ZSWIM9: variants seen among roughly 807,000 people sequenced by gnomAD.
ZSWIM9 encodes zinc finger SWIM-type containing 9.
A neutral mutation model predicts 25.0 loss-of-function variants in ZSWIM9; 11 were observed. The observed-to-expected ratio is 0.44, with a 90% confidence interval of 0.28 to 0.73. The LOEUF (loss-of-function observed/expected upper bound fraction) is 0.73. ZSWIM9 is among the 30% of genes least tolerant of loss of function. ZSWIM9 has a pLI of 0.16. For synonymous variants in ZSWIM9, 562 were observed against 582.1 expected (o/e 0.97, Z 0.50); for missense variants, 1,070 against 1,296.5 (o/e 0.83, Z 2.68).
intron 2 of ZSWIM9, chr19:48,174,959 A>C (rs902740098): frequency 6.6e-6 from 1 of 152,206 alleles, no homozygotes; most frequent in Non-Finnish European, 1.5e-5. Context: ...AACAAAAAAA[A>C]ATTATAGATA....
Position 48,195,231 on chromosome 19 carries a change from C to A in ZSWIM9, c.1167C>A (p.Val389=), listed in dbSNP as rs912216881. Residue 389 remains valine (V), a synonymous_variant, in exon 4 of 4, where the codon GTC becomes GTA. Coordinates refer to ENST00000614654, the MANE Select transcript of ZSWIM9 (RefSeq NM_199341.4). This position sits in a 1 kb window ranked among gnomAD's most constrained non-coding sequence, Gnocchi z 5.8. ...GGGAGCCCCGCCGCGACATGTGGGT[C>A]CGCTTCCGCGCCTTCGAGGCGGCCA... ...RNWEPRRDMW[V]RFRAFEAARD... is the part of the protein sequence containing the mutation. The A allele has an allele frequency of 2.0e-6, 3 of 1,528,820 alleles. No homozygotes were observed. Among genetic ancestry groups the A allele is most frequent in the Non-Finnish European group, 8.8e-7 (1 of 1,142,854 alleles). 94.7% of individuals were successfully genotyped at this position (1,528,820 alleles called of 1,614,324 possible). A position where few individuals can be genotyped will look rare whatever the true frequency, so the allele number is the denominator to read the frequency against.
At chr19:48,179,917 A>G (rs1211769632) in intron 2 of ZSWIM9, among the ~76,000 whole-genome samples, 2 of 152,222 alleles carry the variant, frequency 1.3e-5, no homozygotes, top group Non-Finnish European at 2.9e-5. Flanking sequence ...AGACATTGGC[A>G]GTGCTGTGTT....
chr19:48,176,609 G>A (rs892356597), intron 2 of ZSWIM9, among the ~76,000 whole-genome samples: 1 of 152,000 alleles, frequency 6.6e-6, no homozygotes, highest in African/African-American at 2.4e-5. Flanking sequence ...CCCTCAGTGT[G>A]AGGGTTGACC....
At chr19:48,178,800 T>C (rs535592117) in intron 2 of ZSWIM9, among the ~76,000 whole-genome samples, 32 of 152,200 alleles carry the variant, frequency 2.1e-4, no homozygotes, top group Middle Eastern at 3.4e-3. Context: ...GGTCTCGAAC[T>C]CTTGACCTCG....
intron 3 of ZSWIM9, among the ~76,000 whole-genome samples, chr19:48,183,409 G>A (rs2036976386): frequency 6.6e-6 from 1 of 152,104 alleles, no homozygotes; most frequent in Non-Finnish European, 1.5e-5. Context: ...TTACAGGCGA[G>A]AGCCACCACG....
intron 2 of ZSWIM9, among the ~76,000 whole-genome samples, chr19:48,179,611 A>T (rs1681996829): frequency 6.6e-6 from 1 of 152,222 alleles, no homozygotes; most frequent in Non-Finnish European, 1.5e-5. Flanking sequence ...AGAGTGTTGT[A>T]TCACACGTTG....
chr19:48,193,958 C>G (rs1415057777), intron 3 of ZSWIM9, among the ~76,000 whole-genome samples: 1 of 152,158 alleles, frequency 6.6e-6, no homozygotes, highest in Non-Finnish European at 1.5e-5. Context: ...TCACCACTGT[C>G]CTGCCTCTCA....
chr19:48,183,067 T>G, intron 3 of ZSWIM9: 1 of 403,238 alleles, frequency 2.5e-6, no homozygotes, highest in East Asian at 4.9e-5. Flanking sequence ...ACTGAGCACT[T>G]GAAATGTGTC....
At position 48,194,853 on chromosome 19, in the gene ZSWIM9, G is replaced by A; in HGVS notation, c.789G>A (p.Ala263=). ...CGCGCCAGGCTGCCTGCTGCGTGGC[G>A]CGCCCGGGCACACCGAGCCTGCTGC... ...GRARQAACCV[A]RPGTPSLLRF... is the part of the protein sequence containing the mutation. Residue 263 remains alanine (A), a synonymous_variant, in exon 4 of 4, where the codon GCG becomes GCA. Transcript: ENST00000614654. The surrounding 1 kb of genome is among the most constrained non-coding windows in gnomAD (Gnocchi z 6.0). 2 of 1,363,272 alleles carry A rather than the reference G, an allele frequency of 1.5e-6. No homozygotes were observed. The highest frequency in any genetic ancestry group is 1.9e-6 in the Non-Finnish European group (2 of 1,066,410). The allele number at this position is 1,363,272 out of a possible 1,614,324, so 84.4% of individuals were successfully genotyped here. A position where few individuals can be genotyped will look rare whatever the true frequency, so the allele number is the denominator to read the frequency against.
chr19:48,175,720 TC>T (rs2036885881), intron 2 of ZSWIM9, among the ~76,000 whole-genome samples: 1 of 152,040 alleles, frequency 6.6e-6, no homozygotes, highest in African/African-American at 2.4e-5. Context: ...TCCTGTCCAC[TC>T]CTTCCCCCTT....
rs757506419 is a variant in ZSWIM9, at chr19:48,182,728, C to T, written c.549C>T (p.His183=). Residue 183 remains histidine (H), a synonymous_variant, in exon 3 of 4, where the codon CAC becomes CAT. Coordinates refer to ENST00000614654, the MANE Select transcript of ZSWIM9 (RefSeq NM_199341.4). This position sits in a 1 kb window ranked among gnomAD's most constrained non-coding sequence, Gnocchi z 4.6. ...GRDHGVLDAL[H]VLEGLFRTDP... ...ACCACGGCGTCCTGGACGCCCTGCA[C>T]GTGCTCGAGGGCCTCTTCCGCACCG... 5.2e-6 allele frequency: 8 copies of T among 1,534,678 alleles called. No homozygotes were observed. The highest frequency in any genetic ancestry group is 2.7e-5 in the African/African-American group (2 of 73,144).
At chr19:48,170,799 C>G (rs1163971793) in intron 1 of ZSWIM9, 85 bp downstream of exon 1, 1 of 87,770 alleles carries the variant, frequency 1.1e-5, no homozygotes, top group Non-Finnish European at 2.2e-5. Flanking sequence ...GAAGGTGCCG[C>G]AGCGGGCGGG....
intron 3 of ZSWIM9, chr19:48,183,038 C>G: frequency 2.2e-6 from 1 of 458,454 alleles, no homozygotes; most frequent in Non-Finnish European, 3.9e-6. Context: ...TGATTCTGCA[C>G]CCCCAGCCAC....
At position 48,195,693 on chromosome 19, in the gene ZSWIM9, G is replaced by C. The variant is rs1485795628; in HGVS notation, c.1629G>C (p.Gly543=). ...GACTGGAAGGGGGTGTCTTGAGAGG[G>C]TCGAAGTTAGAGAAAGGGCACCTGA... The part of the protein sequence containing the change: ...PRGLEGGVLR[G]SKLEKGHLRG... The change falls in exon 4 of 4, where the codon GGG becomes GGC. Residue 543 remains glycine, a synonymous_variant. Coordinates refer to ENST00000614654, the MANE Select transcript of ZSWIM9 (RefSeq NM_199341.4). This position sits in a 1 kb window ranked among gnomAD's most constrained non-coding sequence, Gnocchi z 5.8. 3.4e-6 allele frequency: 5 copies of C among 1,460,386 alleles called. No individual in the cohort carries two copies. The highest frequency in any genetic ancestry group is 2.6e-5 in the Admixed American group (1 of 38,626). 90.5% of individuals were successfully genotyped at this position (1,460,386 alleles called of 1,614,324 possible).
intron 3 of ZSWIM9, among the ~76,000 whole-genome samples, chr19:48,187,985 TAGAC>T (rs529493905): frequency 2.3e-4 from 34 of 146,272 alleles, no homozygotes; most frequent in African/African-American, 7.7e-4. Context: ...GATAGATAGA[TAGAC>T]AGACAGACAG....
At chr19:48,178,720 C>T (rs1037484540) in intron 2 of ZSWIM9, among the ~76,000 whole-genome samples, 5 of 152,222 alleles carry the variant, frequency 3.3e-5, no homozygotes, top group African/African-American at 9.6e-5. Context: ...GGACTATGGG[C>T]GTGTGCCACC....
chr19:48,182,792 G>T lies in ZSWIM9; in HGVS notation c.588+25G>T. 6.7e-7 allele frequency: 1 copy of T among 1,498,032 alleles called. No homozygotes were observed. The highest frequency in any genetic ancestry group is 8.9e-7 in the Non-Finnish European group (1 of 1,121,202). 92.8% of individuals were successfully genotyped at this position (1,498,032 alleles called of 1,614,324 possible). Reference sequence around the variant, plus strand: ...GGTGGGGTCTCGAGAGAGGCAGGCCGGGGGAGGGGGCGGGGGAAAGCCGCG... The same window carrying T: ...GGTGGGGTCTCGAGAGAGGCAGGCCTGGGGAGGGGGCGGGGGAAAGCCGCG... On this transcript the variant is annotated intron_variant, in intron 3 of 3. Coordinates refer to ENST00000614654, the MANE Select transcript of ZSWIM9 (RefSeq NM_199341.4). This position sits in a 1 kb window ranked among gnomAD's most constrained non-coding sequence, Gnocchi z 4.6.
At chr19:48,172,202 C>A in intron 2 of ZSWIM9, 125 bp downstream of exon 2, 1 of 865,536 alleles carries the variant, frequency 1.2e-6, no homozygotes, top group Non-Finnish European at 1.7e-6. Flanking sequence ...CTGAGGCAGC[C>A]AAATACACCT....
At chr19:48,192,480 A>AATATATATATAT (rs1555787871) in intron 3 of ZSWIM9, among the ~76,000 whole-genome samples, 3 of 17,378 alleles carry the variant, frequency 1.7e-4, no homozygotes, top group Admixed American at 2.0e-3. Flanking sequence ...AAAAAAAAAA[A>AATATATATATAT]ATATATATAT....
Sources: allele counts gnomAD v4.1 joint callset (sites outside exome capture counted in the v4.1 genomes callset), GRCh38; gene constraint gnomAD v4.1.1; non-coding constraint Gnocchi (gnomAD v3.1); transcripts MANE v1.5; gene names NCBI Gene and HGNC (gene_info 2026-07-23, HGNC 2026-07-21).